DEGS2: variants seen among roughly 807,000 people sequenced by gnomAD.
DEGS2 encodes delta 4-desaturase, sphingolipid 2.
Under a neutral mutation model 23.8 loss-of-function variants are expected in DEGS2, and 19 were observed. The ratio of observed to expected loss-of-function variants is 0.80; its 90% CI spans 0.56 to 1.17. The LOEUF is 1.17. DEGS2 is among the 50% of genes most tolerant of loss of function. The probability of loss-of-function intolerance (pLI) is 0.00; values close to 1 mark genes in which losing one functional copy is unlikely to be tolerated. For missense variants in DEGS2, 390 were observed against 459.5 expected, an observed-to-expected ratio of 0.85 and a Z score of 1.38; for synonymous variants, 218 against 213.7, an observed-to-expected ratio of 1.02 and a Z score of -0.18.
chr14:100,156,917 G>A (rs571155054), intron 1 of DEGS2, among the ~76,000 whole-genome samples: 10 of 152,220 alleles, frequency 6.6e-5, no homozygotes, highest in Non-Finnish European at 1.0e-4. Context: ...CCCTGCTTCC[G>A]CCCTGCAGGA....
At chr14:100,156,470 T>C (rs976142975) in intron 1 of DEGS2, among the ~76,000 whole-genome samples, 1 of 152,230 alleles carries the variant, frequency 6.6e-6, no homozygotes, top group African/African-American at 2.4e-5. Flanking sequence ...ACTTTACATA[T>C]CACCTCGTTT....
At chr14:100,154,197 T>C (rs537744074) in intron 1 of DEGS2, among the ~76,000 whole-genome samples, 2 of 152,164 alleles carry the variant, frequency 1.3e-5, no homozygotes, top group African/African-American at 4.8e-5. Flanking sequence ...AAACCCCGTC[T>C]CTACTAAAAA....
intron 2 of DEGS2, among the ~76,000 whole-genome samples, chr14:100,147,749 C>G (rs928335927): frequency 1.3e-5 from 2 of 148,688 alleles, no homozygotes; most frequent in Admixed American, 1.4e-4. Flanking sequence ...GGCCGCAAAA[C>G]CAGGACAGCG....
Position 100,159,642 on chromosome 14 carries a change from T to G in DEGS2, c.-55A>C, listed in dbSNP as rs771031208. 1 of 838,206 alleles carries G rather than the reference T, an allele frequency of 1.2e-6. No homozygotes were observed. The highest frequency in any genetic ancestry group is 1.6e-6 in the Non-Finnish European group (1 of 635,318). The allele number at this position is 838,206 out of a possible 1,614,324, so 51.9% of individuals were successfully genotyped here. On this transcript the variant is annotated 5_prime_UTR_variant, in exon 1 of 3. Coordinates refer to ENST00000305631, the MANE Select transcript of DEGS2 (RefSeq NM_206918.3). ...GGCCGGCTCGGCTCTGCTGCACCTG[T>G]CGCGGCGGCCGCGGCGCGGAACCAG...
rs942765161 is a variant in DEGS2 at position 100,155,677 on chromosome 14, G to A, written c.82+3829C>T. 3.9e-4 allele frequency: 59 copies of A among 152,184 alleles called. 4 individuals are homozygous for A. The highest frequency in any genetic ancestry group is 7.3e-5 in the Non-Finnish European group (5 of 68,032). 9.4% of individuals were successfully genotyped at this position (152,184 alleles called of 1,614,324 possible). ...CTTGTGGCTCTGGCAGTTTGGTCCTGGATTTTACCAGTTACCACTGACAGA... is the reference window on the plus strand; with the variant it reads ...CTTGTGGCTCTGGCAGTTTGGTCCTAGATTTTACCAGTTACCACTGACAGA... On this transcript the variant is annotated intron_variant, in intron 1 of 2. Coordinates refer to ENST00000305631, the MANE Select transcript of DEGS2 (RefSeq NM_206918.3).
At chr14:100,152,154 C>T (rs576046468) in intron 1 of DEGS2, among the ~76,000 whole-genome samples, 2 of 152,170 alleles carry the variant, frequency 1.3e-5, no homozygotes, top group African/African-American at 2.4e-5. Context: ...CGGCACAGCC[C>T]GAGGCAAGGC....
chr14:100,149,944 C>T (rs34582641), intron 1 of DEGS2, among the ~76,000 whole-genome samples: 41,409 of 152,182 alleles, frequency 0.27, 6,199 homozygotes, highest in South Asian at 0.43. Flanking sequence ...CACATGTGGC[C>T]CACGCTGGCA....
At position 100,146,830 on chromosome 14, in the gene DEGS2, C is replaced by T. The variant is rs764712961; in HGVS notation, c.903G>A (p.Val301=). 12 of 1,613,772 alleles carry T rather than the reference C, an allele frequency of 7.4e-6. No homozygotes were observed. The highest frequency in any genetic ancestry group is 1.0e-5 in the Non-Finnish European group (12 of 1,179,936). The change falls in exon 3 of 3, where the codon GTG becomes GTA. Residue 301 remains valine (V), a synonymous_variant. Coordinates refer to ENST00000305631, the MANE Select transcript of DEGS2 (RefSeq NM_206918.3). ...CATAGGGCCCCAGGGAGTCCTCAAACACAAAATCCCAGAGCACCTTCACCC... is the reference window on the plus strand; with the variant it reads ...CATAGGGCCCCAGGGAGTCCTCAAATACAAAATCCCAGAGCACCTTCACCC... The part of the protein sequence containing the change: ...HSWVKVLWDF[V]FEDSLGPYAR...
intron 1 of DEGS2, among the ~76,000 whole-genome samples, chr14:100,157,555 A>G (rs1242744147): frequency 6.6e-6 from 1 of 152,202 alleles, no homozygotes; most frequent in African/African-American, 2.4e-5. Context: ...AGCCCTCCCC[A>G]GGAGTTCCAC....
chr14:100,144,047 T>C lies in DEGS2; in HGVS notation c.*2714A>G. The C allele has an allele frequency of 2.4e-6, 1 of 410,950 alleles. No homozygotes were observed. Among genetic ancestry groups the C allele is most frequent in the Non-Finnish European group, 4.4e-6 (1 of 227,984 alleles). The allele number at this position is 410,950 out of a possible 1,614,324, so 25.5% of individuals were successfully genotyped here. On this transcript the variant is annotated 3_prime_UTR_variant, in exon 3 of 3. Transcript: ENST00000305631. ...CTAAGTCACCTGCTTCATTAGACGG[T>C]TTCCAGGTTTTCTCCCAGGTGACGC...
At chr14:100,155,694 A>G (rs1038899591) in intron 1 of DEGS2, 4 of 152,266 alleles carry the variant, frequency 2.6e-5, no homozygotes, top group Admixed American at 2.6e-4. Context: ...ACCAGTTACC[A>G]CTGACAGAGC....
chr14:100,144,030 C>A lies in DEGS2; in HGVS notation c.*2731G>T. On this transcript the variant is annotated 3_prime_UTR_variant, in exon 3 of 3. Transcript: ENST00000305631. ...GGTTTCTAGAGACGCCCCTAAGTCA[C>A]CTGCTTCATTAGACGGTTTCCAGGT... 2.2e-6 allele frequency: 1 copy of A among 460,194 alleles called. No individual in the cohort carries two copies. The highest frequency in any genetic ancestry group is 3.9e-5 in the East Asian group (1 of 25,924). 28.5% of individuals were successfully genotyped at this position (460,194 alleles called of 1,614,324 possible). A position where few individuals can be genotyped will look rare whatever the true frequency, so the allele number is the denominator to read the frequency against.
At chr14:100,165,519 C>A in the DEGS2 span, among the ~76,000 whole-genome samples, 6 of 152,332 alleles carry the variant, frequency 3.9e-5, 1 homozygote, top group Middle Eastern at 0.01. Flanking sequence ...AAGCAGTGGG[C>A]GCAGCTAGCA....
chr14:100,150,051 T>C (rs1889540851), intron 1 of DEGS2, among the ~76,000 whole-genome samples: 1 of 152,200 alleles, frequency 6.6e-6, no homozygotes. Context: ...TGTGCCTTGA[T>C]GCCGTCTGTG....
intron 1 of DEGS2, among the ~76,000 whole-genome samples, chr14:100,150,387 A>ACC (rs778863717): frequency 0.012 from 1,061 of 92,092 alleles, no homozygotes; most frequent in East Asian, 0.034. Flanking sequence ...CCACCCCAAC[A>ACC]CCCCCCCCCG....
intron 1 of DEGS2, among the ~76,000 whole-genome samples, chr14:100,154,429 C>A (rs1283631386): frequency 6.6e-6 from 1 of 152,182 alleles, no homozygotes; most frequent in Non-Finnish European, 1.5e-5. Flanking sequence ...TTGGGCAAGC[C>A]CCTGTCCCTC....
rs568280631 is a variant in DEGS2, at chr14:100,146,431, G to A, written c.*330C>T. ...ACAATCCATGGGCTGTGAAACAAACGCCGGGTTTAATGTAGGGCACAGGCA... is the reference window on the plus strand; with the variant it reads ...ACAATCCATGGGCTGTGAAACAAACACCGGGTTTAATGTAGGGCACAGGCA... On this transcript the variant is annotated 3_prime_UTR_variant, in exon 3 of 3. Transcript: ENST00000305631. 75 of 275,868 alleles carry A rather than the reference G, an allele frequency of 2.7e-4. 1 individual carries two copies. The South Asian group carries it at 3.8e-3, about 14-fold the overall frequency. The allele number at this position is 275,868 out of a possible 1,614,324, so 17.1% of individuals were successfully genotyped here. A position where few individuals can be genotyped will look rare whatever the true frequency, so the allele number is the denominator to read the frequency against.
At chr14:100,154,725 T>C (rs778525439) in intron 1 of DEGS2, among the ~76,000 whole-genome samples, 5 of 152,234 alleles carry the variant, frequency 3.3e-5, no homozygotes, top group Non-Finnish European at 5.9e-5. Flanking sequence ...GGTTACAGCC[T>C]TTGCCCAGAA....
At chr14:100,147,129 C>A (rs922825882) in intron 2 of DEGS2, among the ~76,000 whole-genome samples, 4 of 152,236 alleles carry the variant, frequency 2.6e-5, no homozygotes, top group African/African-American at 2.4e-5. Flanking sequence ...CACAAGGCCA[C>A]CCCTCTGGTC....
Sources: allele counts gnomAD v4.1 joint callset (sites outside exome capture counted in the v4.1 genomes callset), GRCh38; gene constraint gnomAD v4.1.1; transcripts MANE v1.5; gene names NCBI Gene and HGNC (gene_info 2026-07-23, HGNC 2026-07-21).